MYH16: variants seen among roughly 807,000 people sequenced by gnomAD.
The protein encoded by MYH16 is putative uncharacterized protein MYH16.
chr7:99,284,353 T>C (rs1359184711), intron 25 of MYH16, among the ~76,000 whole-genome samples: 2 of 152,102 alleles, frequency 1.3e-5, no homozygotes, highest in African/African-American at 4.8e-5. Flanking sequence ...CACTTTGGGA[T>C]GCGAAGGCAG....
At chr7:99,246,779 G>A (rs1285813072) in intron 2 of MYH16, among the ~76,000 whole-genome samples, 1 of 151,900 alleles carries the variant, frequency 6.6e-6, no homozygotes, top group African/African-American at 2.4e-5. Context: ...GTGAGGGTGG[G>A]GGTGGGCATG....
intron 21 of MYH16, among the ~76,000 whole-genome samples, chr7:99,278,311 A>C (rs1171630616): frequency 6.6e-6 from 1 of 152,140 alleles, no homozygotes; most frequent in Non-Finnish European, 1.5e-5. Context: ...ACCTGCAGGG[A>C]AAGTCCAGGG....
At position 99,292,074 on chromosome 7, in the gene MYH16, A is replaced by G. The variant is rs1434600111; in HGVS notation, n.3953-238A>G. Among the ~76,000 whole-genome samples, 3 of 152,274 alleles carry G rather than the reference A, an allele frequency of 2.0e-5. No homozygotes were observed. The South Asian group carries it at 6.2e-4, about 31-fold the overall frequency. ...CGTAGCAAGTAAAAAAGCTAACTAC[A>G]AAACTGTAGTATGTGATGTGTATAA... On this transcript the variant is annotated intron_variant and non_coding_transcript_variant, in intron 31 of 41. Coordinates refer to ENST00000439784, the Ensembl canonical transcript of MYH16.
chr7:99,294,500 C>CAAA (rs1159682450), intron 33 of MYH16, among the ~76,000 whole-genome samples: 29 of 25,514 alleles, frequency 1.1e-3, no homozygotes, highest in Admixed American at 1.8e-3. Flanking sequence ...GACCCTGTCT[C>CAAA]AAAAAAAAAA....
intron 38 of MYH16, among the ~76,000 whole-genome samples, chr7:99,302,317 TACAC>T (rs201230482): frequency 0.051 from 4,832 of 95,500 alleles, 162 homozygotes; most frequent in Middle Eastern, 0.14. Flanking sequence ...AAAAAATATA[TACAC>T]ACACACACAC....
chr7:99,251,165 GAAC>G (rs1344798999), exon 6 of MYH16: 5 of 221,602 alleles, frequency 2.3e-5, no homozygotes, highest in East Asian at 1.1e-4. Flanking sequence ...AGACCACCAG[GAAC>G]AACAACTCCT....
chr7:99,259,823 T>C (rs1394097781), intron 11 of MYH16, among the ~76,000 whole-genome samples: 1 of 129,516 alleles, frequency 7.7e-6, no homozygotes, highest in African/African-American at 2.7e-5. Context: ...TGTATGTGTA[T>C]ATATTATATA....
chr7:99,264,013 C>T (rs1317296404), intron 14 of MYH16, among the ~76,000 whole-genome samples: 1 of 152,224 alleles, frequency 6.6e-6, no homozygotes, highest in Non-Finnish European at 1.5e-5. Flanking sequence ...TCAGAAATCA[C>T]AAAAGACTGC....
chr7:99,299,975 A>G (rs1448749339), intron 37 of MYH16, among the ~76,000 whole-genome samples: 1 of 137,578 alleles, frequency 7.3e-6, no homozygotes, highest in Non-Finnish European at 1.6e-5. Context: ...TTATTTATTT[A>G]TTTGATGGAG....
intron 1 of MYH16, among the ~76,000 whole-genome samples, chr7:99,240,339 C>T (rs1175973095): frequency 6.6e-6 from 1 of 152,008 alleles, no homozygotes. Flanking sequence ...TGGTGGGCTG[C>T]CAAGAGGGAG....
intron 5 of MYH16, among the ~76,000 whole-genome samples, chr7:99,250,458 C>T (rs62471883): frequency 0.021 from 3,199 of 152,220 alleles, 46 homozygotes; most frequent in Non-Finnish European, 0.032. Flanking sequence ...AGGCTGACAG[C>T]GGCCAGGCGC....
In MYH16 at chr7:99,282,439, T is replaced by C. The variant is rs533967624; in HGVS notation, n.2993-1126T>C. Among the ~76,000 whole-genome samples, 7 of 152,250 alleles carry C rather than the reference T, an allele frequency of 4.6e-5. No homozygotes were observed. In the East Asian group the frequency reaches 1.4e-3, roughly 29 times the overall value. On this transcript the variant is annotated intron_variant and non_coding_transcript_variant, in intron 23 of 41. Coordinates refer to ENST00000439784, the Ensembl canonical transcript of MYH16. ...TCCTAGGGAAAATATAGGGTTAGAC[T>C]CTTGCATGCCTCTGGTCATAACATT...
chr7:99,307,798 G>A (rs957550689), downstream of MYH16, among the ~76,000 whole-genome samples: 4 of 152,002 alleles, frequency 2.6e-5, no homozygotes, highest in East Asian at 2.0e-4. Flanking sequence ...GTGGGATTTC[G>A]GCTCACTGCA....
chr7:99,306,442 G>T (rs138945337), intron 41 of MYH16, among the ~76,000 whole-genome samples, 167 bp from the exon 23 acceptor site: 2,476 of 152,168 alleles, frequency 0.016, 36 homozygotes, highest in Non-Finnish European at 0.024. Context: ...CAGGAGAATT[G>T]CTGGAACCTA....
At position 99,269,834 on chromosome 7, in the gene MYH16, C is replaced by T. The variant is rs576792273; in HGVS notation, n.2267-1123C>T. On this transcript the variant is annotated intron_variant and non_coding_transcript_variant, in intron 18 of 41. Transcript: ENST00000439784. Reference sequence around the variant, plus strand: ...ATTTCTCTAGAACAAAGTTCTCAACCTTGGCTATACATTAGACTCATCTGG... The same window carrying T: ...ATTTCTCTAGAACAAAGTTCTCAACTTTGGCTATACATTAGACTCATCTGG... 3.3e-5 allele frequency among the ~76,000 whole-genome samples: 5 copies of T among 149,698 alleles called. No homozygotes were observed. The South Asian group carries it at 1.1e-3, about 32-fold the overall frequency.
At chr7:99,302,046 A>G (rs1792602175) in intron 38 of MYH16, among the ~76,000 whole-genome samples, 1 of 151,988 alleles carries the variant, frequency 6.6e-6, no homozygotes, top group African/African-American at 2.4e-5. Context: ...GCTCATGCCT[A>G]TAATCCCAGC....
intron 19 of MYH16, chr7:99,271,111 C>T (rs757354717): frequency 6.6e-6 from 1 of 152,616 alleles, no homozygotes; most frequent in East Asian, 1.9e-4. Context: ...TCACAAACAC[C>T]GACAGGAAGG....
chr7:99,289,392 AC>A (rs1792336609), exon 30 of MYH16: 1 of 439,600 alleles, frequency 2.3e-6, no homozygotes, highest in African/African-American at 2.0e-5. Flanking sequence ...TGCCATCAGG[AC>A]CCGCCTCCAA....
Position 99,260,148 on chromosome 7 carries a change from C to T in MYH16, n.1405-16C>T, listed in dbSNP as rs764797340. 1.3e-4 allele frequency: 201 copies of T among 1,593,110 alleles called. 1 individual carries two copies. Among genetic ancestry groups the T allele is most frequent in the Non-Finnish European group, 2.4e-5 (28 of 1,164,602 alleles). On this transcript the variant is annotated splice_polypyrimidine_tract_variant and intron_variant and non_coding_transcript_variant, in intron 11 of 41. Transcript: ENST00000439784. ...CCTGTGCTGACGCCCCTCTTTCTGC[C>T]CTCCTGCCGCCACAGTTCAACAGCT... is the stretch of plus-strand genomic sequence containing the variant.
Sources: gnomAD v4.1 joint callset for allele counts (sites outside exome capture counted in the v4.1 genomes callset) on GRCh38, gnomAD v4.1.1 for gene constraint, MANE v1.5 for transcripts, NCBI Gene and HGNC (gene_info 2026-07-23, HGNC 2026-07-21) for gene names.